The following CNTN1 variants were observed in gnomAD, a reference collection of about 807,000 sequenced individuals.
CNTN1 encodes contactin 1, also known as contactin-1.
CNTN1 carries 38 observed loss-of-function variants against 126.4 expected under a neutral mutation model. The observed-to-expected ratio is 0.30, with a 90% CI of 0.23 to 0.39. The LOEUF (loss-of-function observed/expected upper bound fraction) is 0.39. Among genes scored for constraint, CNTN1 ranks in the 10% least tolerant of loss-of-function variants. The pLI, the probability that CNTN1 is intolerant of heterozygous loss-of-function variation, is 1.00. For synonymous variants in CNTN1, 413 were observed against 422.6 expected (o/e 0.98, Z 0.28); for missense variants, 1,009 against 1,248.4 (o/e 0.81, Z 2.89).
intron 15 of CNTN1, chr12:40,972,666 T>C: frequency 1.1e-5 from 11 of 962,772 alleles, no homozygotes; most frequent in Non-Finnish European, 1.4e-5. Flanking sequence ...CTAGTCTCAA[T>C]TACTGTTCCA....
At chr12:40,871,242 C>T (rs1036294230) in intron 1 of CNTN1, among the ~76,000 whole-genome samples, 24 of 133,436 alleles carry the variant, frequency 1.8e-4, no homozygotes, top group African/African-American at 5.8e-4. Context: ...GGATGATAAA[C>T]ACAGGGTATG....
chr12:41,016,953 G>C, intron 19 of CNTN1, 37 bp downstream of exon 19: 1 of 1,536,098 alleles, frequency 6.5e-7, no homozygotes. Context: ...TGAGGAGGGA[G>C]GAAAAACGTA....
At chr12:40,694,737 G>C (rs1455616890) in intron 1 of CNTN1, among the ~76,000 whole-genome samples, 1 of 152,182 alleles carries the variant, frequency 6.6e-6, no homozygotes. Context: ...GGCAGTGCGA[G>C]CTGGCTTTTA....
At chr12:41,017,765 C>G (rs1193347235) in intron 19 of CNTN1, among the ~76,000 whole-genome samples, 1 of 151,970 alleles carries the variant, frequency 6.6e-6, no homozygotes, top group Non-Finnish European at 1.5e-5. Context: ...GTTTAAGCTG[C>G]TATACTTTTG....
chr12:41,025,705 T>C (rs1949022647), intron 21 of CNTN1, among the ~76,000 whole-genome samples: 3 of 152,298 alleles, frequency 2.0e-5, no homozygotes, highest in Admixed American at 2.0e-4. Context: ...TTTACATGCT[T>C]TAATTTATAA....
At chr12:40,976,587 T>C (rs1947681496) in intron 15 of CNTN1, among the ~76,000 whole-genome samples, 1 of 151,492 alleles carries the variant, frequency 6.6e-6, no homozygotes, top group Non-Finnish European at 1.5e-5. Context: ...GAATTATGTA[T>C]GGTTGGGTTT....
At position 40,922,436 on chromosome 12, in the gene CNTN1, A is replaced by C. The variant is rs779375688; in HGVS notation, c.400+8A>C. Reference sequence around the variant, plus strand: ...CAACCCTGAGCTTTGGATGTAAGTAAACTGTAACTTTTAAAAAAGGGCAAG... The same window carrying C: ...CAACCCTGAGCTTTGGATGTAAGTACACTGTAACTTTTAAAAAAGGGCAAG... On this transcript the variant is annotated splice_region_variant and intron_variant, in intron 5 of 23. Transcript: ENST00000551295. 1.2e-5 allele frequency: 20 copies of C among 1,613,638 alleles called. No homozygotes were observed. The highest frequency in any genetic ancestry group is 1.2e-5 in the Non-Finnish European group (14 of 1,179,732).
At chr12:41,037,663 T>TACACACACACAC (rs55890336) in intron 23 of CNTN1, among the ~76,000 whole-genome samples, 23 of 144,404 alleles carry the variant, frequency 1.6e-4, no homozygotes, top group African/African-American at 4.3e-4. Flanking sequence ...GTGTGTTTAA[T>TACACACACACAC]ACACACACAC....
rs182866868 is a variant in CNTN1, at chr12:41,030,545, A to G, written c.2980+1326A>G. On this transcript the variant is annotated intron_variant, in intron 23 of 23. Coordinates refer to ENST00000551295, the MANE Select transcript of CNTN1 (RefSeq NM_001843.4). Reference sequence around the variant, plus strand: ...ATTTACTTATAGTCACTCTGTATACATATATAATTTCATGTTTCAGCTTCC... The same window carrying G: ...ATTTACTTATAGTCACTCTGTATACGTATATAATTTCATGTTTCAGCTTCC... Among the ~76,000 whole-genome samples, 32 of 152,272 alleles carry G rather than the reference A, an allele frequency of 2.1e-4. 1 individual carries two copies. The highest frequency in any genetic ancestry group is 1.8e-3 in the Admixed American group (27 of 15,298).
chr12:41,018,972 C>T (rs1383634076), intron 19 of CNTN1, among the ~76,000 whole-genome samples: 3 of 152,024 alleles, frequency 2.0e-5, no homozygotes, highest in Non-Finnish European at 2.9e-5. Context: ...GCCTGACCAA[C>T]ATGGAGAAAC....
At chr12:40,881,875 T>A (rs1943880412) in intron 1 of CNTN1, among the ~76,000 whole-genome samples, 1 of 151,910 alleles carries the variant, frequency 6.6e-6, no homozygotes, top group Non-Finnish European at 1.5e-5. Context: ...ATTGACTTGC[T>A]TTCTATATGT....
intron 15 of CNTN1, among the ~76,000 whole-genome samples, chr12:40,968,766 T>C (rs1947393802): frequency 6.6e-6 from 1 of 152,198 alleles, no homozygotes; most frequent in South Asian, 2.1e-4. Flanking sequence ...CTATCAGTTA[T>C]AAAGCCAGAA....
intron 1 of CNTN1, among the ~76,000 whole-genome samples, chr12:40,839,023 G>T (rs1381804300): frequency 6.6e-6 from 1 of 151,880 alleles, no homozygotes; most frequent in Non-Finnish European, 1.5e-5. Context: ...AAAGAAATCA[G>T]AAAAAACAAT....
At chr12:41,054,723 T>C (rs570010333) in intron 23 of CNTN1, among the ~76,000 whole-genome samples, 5 of 152,110 alleles carry the variant, frequency 3.3e-5, no homozygotes, top group Middle Eastern at 3.2e-3. Context: ...AAAGAACTCA[T>C]TCTCTAGTTA....
intron 1 of CNTN1, among the ~76,000 whole-genome samples, chr12:40,875,896 G>A (rs925538975): frequency 6.6e-6 from 1 of 151,922 alleles, no homozygotes; most frequent in African/African-American, 2.4e-5. Flanking sequence ...GCAATTACTA[G>A]GCCATATCAC....
intron 1 of CNTN1, among the ~76,000 whole-genome samples, chr12:40,844,109 C>T (rs1028968307): frequency 3.9e-5 from 2 of 51,250 alleles, no homozygotes; most frequent in South Asian, 6.6e-4. Context: ...ACTGTGTCGC[C>T]CAGGCTGGAG....
chr12:40,916,403 T>A (rs938383135), intron 3 of CNTN1, among the ~76,000 whole-genome samples: 1 of 152,050 alleles, frequency 6.6e-6, no homozygotes, highest in Non-Finnish European at 1.5e-5. Context: ...AAAAATAGCG[T>A]ATGATTTTTA....
chr12:40,924,429 G>T, intron 5 of CNTN1, 128 bp from the exon 6 acceptor site: 1 of 677,530 alleles, frequency 1.5e-6, no homozygotes, highest in Non-Finnish European at 2.7e-6. Flanking sequence ...ACTTTACTAG[G>T]CTTCACCAAA....
intron 12 of CNTN1, among the ~76,000 whole-genome samples, chr12:40,940,554 T>C (rs941737274): frequency 6.6e-6 from 1 of 152,192 alleles, no homozygotes; most frequent in Non-Finnish European, 1.5e-5. Flanking sequence ...TATTTTGATG[T>C]GTCTAAAGCT....
Sources: gnomAD v4.1 joint callset for allele counts (sites outside exome capture counted in the v4.1 genomes callset) on GRCh38, gnomAD v4.1.1 for gene constraint, MANE v1.5 for transcripts, NCBI Gene and HGNC (gene_info 2026-07-23, HGNC 2026-07-21) for gene names.